Variants in GRIP1 observed in about 807,000 individuals in gnomAD.
The protein encoded by GRIP1 is glutamate receptor-interacting protein 1.
GRIP1 carries 45 observed loss-of-function variants against 129.9 expected under a neutral mutation model. The ratio of observed to expected loss-of-function variants is 0.35; its 90% CI spans 0.27 to 0.44. The LOEUF (loss-of-function observed/expected upper bound fraction) is 0.44, where lower values mean the gene tolerates loss of function less well. Among genes scored for constraint, GRIP1 ranks in the 20% least tolerant of loss-of-function variants. The pLI is 1.00. For synonymous variants in GRIP1, 530 were observed against 520.8 expected, an observed-to-expected ratio of 1.02 and a Z score of -0.24; for missense variants, 1,196 against 1,396.8, an observed-to-expected ratio of 0.86 and a Z score of 2.29.
intron 1 of GRIP1, among the ~76,000 whole-genome samples, chr12:66,737,332 G>A (rs1249886179): frequency 6.6e-6 from 1 of 152,098 alleles, no homozygotes; most frequent in Non-Finnish European, 1.5e-5. Context: ...CACCTAGGCT[G>A]GAGTGCAGTG....
At chr12:66,422,030 G>A (rs1042912970) in intron 14 of GRIP1, among the ~76,000 whole-genome samples, 20 of 152,122 alleles carry the variant, frequency 1.3e-4, no homozygotes, top group Non-Finnish European at 2.9e-4. Context: ...CCTGAAGGCT[G>A]GAGTGGTTTC....
At chr12:66,627,718 G>C (rs1199373012) in intron 1 of GRIP1, among the ~76,000 whole-genome samples, 1 of 152,146 alleles carries the variant, frequency 6.6e-6, no homozygotes, top group East Asian at 1.9e-4. Flanking sequence ...GGATCCCCTG[G>C]GTGTAGTGAC....
chr12:66,631,113 T>C lies in GRIP1; in HGVS notation c.56-34186A>G, dbSNP rs143910863. ...CCACCATGCCCGGCTAATTTTTGTATTTATAGTAGAGAAGGGGTTTCACCA... is the reference window on the plus strand; with the variant it reads ...CCACCATGCCCGGCTAATTTTTGTACTTATAGTAGAGAAGGGGTTTCACCA... On this transcript the variant is annotated intron_variant, in intron 1 of 24. Coordinates refer to ENST00000359742, the MANE Select transcript of GRIP1 (RefSeq NM_001366722.1). Among the ~76,000 whole-genome samples the C allele has an allele frequency of 4.1e-3, 631 of 152,174 alleles. 33 individuals are homozygous for C. The East Asian group carries it at 0.11, about 26-fold the overall frequency.
intron 1 of GRIP1, among the ~76,000 whole-genome samples, chr12:66,723,979 T>C (rs988227891): frequency 1.3e-5 from 2 of 152,132 alleles, no homozygotes; most frequent in African/African-American, 4.8e-5. Context: ...TTTGTAGAAA[T>C]GACAGGTTAG....
At chr12:66,825,846 T>G (rs1214957814) in intron 1 of GRIP1, among the ~76,000 whole-genome samples, 1 of 152,232 alleles carries the variant, frequency 6.6e-6, no homozygotes, top group Non-Finnish European at 1.5e-5. Flanking sequence ...CTGGAATACT[T>G]TGACACTGTT....
At chr12:66,936,651 G>A (rs1402139007) in intron 1 of GRIP1, among the ~76,000 whole-genome samples, 3 of 152,120 alleles carry the variant, frequency 2.0e-5, no homozygotes, top group Non-Finnish European at 4.4e-5. Context: ...CAGAAATGCA[G>A]GTGGCCTGGG....
At chr12:66,513,380 A>AT (rs1303068952) in intron 7 of GRIP1, among the ~76,000 whole-genome samples, 1 of 152,042 alleles carries the variant, frequency 6.6e-6, no homozygotes, top group African/African-American at 2.4e-5. Context: ...TTTTTTTGCG[A>AT]TTTTAAATAG....
At chr12:66,985,160 A>AT (rs1330673264) in intron 1 of GRIP1, among the ~76,000 whole-genome samples, 1 of 152,174 alleles carries the variant, frequency 6.6e-6, no homozygotes. Flanking sequence ...AGTACATGGC[A>AT]TTTTTATGAC....
chr12:66,402,143 C>G (rs2057025081), intron 16 of GRIP1, among the ~76,000 whole-genome samples: 1 of 152,190 alleles, frequency 6.6e-6, no homozygotes, highest in Non-Finnish European at 1.5e-5. Flanking sequence ...TCACAAATCC[C>G]TTCGAGACCA....
chr12:66,732,606 C>T (rs1424485719), intron 1 of GRIP1, among the ~76,000 whole-genome samples: 1 of 151,994 alleles, frequency 6.6e-6, no homozygotes, highest in East Asian at 1.9e-4. Context: ...CACTCTTCCA[C>T]TTAATGAAAA....
intron 23 of GRIP1, among the ~76,000 whole-genome samples, chr12:66,365,987 C>T (rs751739140): frequency 4.6e-4 from 70 of 152,312 alleles, no homozygotes; most frequent in South Asian, 4.1e-4. Flanking sequence ...GCATGGCAAG[C>T]GAGGTCTGCC....
chr12:66,608,941 T>TTAC (rs2064667790), intron 1 of GRIP1, among the ~76,000 whole-genome samples: 1 of 141,678 alleles, frequency 7.1e-6, no homozygotes, highest in Non-Finnish European at 1.6e-5. Context: ...CAAATTATTA[T>TTAC]TATTATTATT....
At chr12:66,732,448 G>T (rs1480028) in intron 1 of GRIP1, among the ~76,000 whole-genome samples, 1 of 151,834 alleles carries the variant, frequency 6.6e-6, no homozygotes, top group Non-Finnish European at 1.5e-5. Context: ...AGTTACTTGG[G>T]AGGCGGAGGT....
chr12:66,897,498 C>A lies in GRIP1; in HGVS notation c.58+171552G>T, dbSNP rs189918311. ...AATACAATGTTCCCTTAATTAAGAC[C>A]CAGAGGTTACAGCTGAGGAAGGCAA... On this transcript the variant is annotated intron_variant, in intron 1 of 1. Coordinates refer to the GRIP1 transcript ENST00000643019. Among the ~76,000 whole-genome samples, 252 of 152,174 alleles carry A rather than the reference C, an allele frequency of 1.7e-3. 3 individuals are homozygous for A. The highest frequency in any genetic ancestry group is 0.011 in the South Asian group (55 of 4,818).
chr12:66,792,837 T>C (rs1592851053), intron 1 of GRIP1, among the ~76,000 whole-genome samples: 1 of 152,112 alleles, frequency 6.6e-6, no homozygotes, highest in Non-Finnish European at 1.5e-5. Context: ...CTGGATAACA[T>C]AAATTACATA....
chr12:66,694,254 C>T lies in GRIP1; in HGVS notation c.-419-63918G>A, dbSNP rs1191711259. Among the ~76,000 whole-genome samples, 4 of 152,182 alleles carry T rather than the reference C, an allele frequency of 2.6e-5. 1 individual carries two copies. ...CCCTGACATGGGCTAAGCATTTCTACTTGAGGCCATTATCCAGAGGAGGCA... is the reference window on the plus strand; with the variant it reads ...CCCTGACATGGGCTAAGCATTTCTATTTGAGGCCATTATCCAGAGGAGGCA... On this transcript the variant is annotated intron_variant, in intron 1 of 4. Coordinates refer to the GRIP1 transcript ENST00000538373.
chr12:66,763,827 C>T (rs147362410), intron 1 of GRIP1, among the ~76,000 whole-genome samples: 39 of 152,316 alleles, frequency 2.6e-4, no homozygotes, highest in African/African-American at 9.4e-4. Context: ...ATCTGCTAAG[C>T]ATGTATTATA....
chr12:66,941,259 T>C (rs1404951533), intron 1 of GRIP1, among the ~76,000 whole-genome samples: 1 of 152,138 alleles, frequency 6.6e-6, no homozygotes, highest in African/African-American at 2.4e-5. Flanking sequence ...GCCTAGACTG[T>C]AACCCAAATC....
At chr12:66,929,578 A>G (rs1478386241) in intron 1 of GRIP1, among the ~76,000 whole-genome samples, 1 of 151,886 alleles carries the variant, frequency 6.6e-6, no homozygotes, top group Non-Finnish European at 1.5e-5. Context: ...AATACCCTAC[A>G]CTCTCATATC....
Sources: allele counts gnomAD v4.1 joint callset (sites outside exome capture counted in the v4.1 genomes callset), GRCh38; gene constraint gnomAD v4.1.1; transcripts MANE v1.5; gene names NCBI Gene and HGNC (gene_info 2026-07-23, HGNC 2026-07-21).